The following WDR59 variants were observed in gnomAD, a reference collection of about 807,000 sequenced individuals.
WDR59 encodes GATOR2 complex protein WDR59.
Under a neutral mutation model 131.2 loss-of-function variants are expected in WDR59, and 100 were observed. The ratio of observed to expected loss-of-function variants is 0.76; its 90% CI spans 0.65 to 0.90. The LOEUF (loss-of-function observed/expected upper bound fraction) is 0.90, where lower values mean the gene tolerates loss of function less well. Ranked by LOEUF, WDR59 falls within the 40% of genes least tolerant of loss-of-function variation. The pLI is 0.00. For missense variants in WDR59, 1,203 were observed against 1,262.2 expected (o/e 0.95, Z 0.71); for synonymous variants, 601 against 466.2 (o/e 1.29, Z -3.72).
chr16:74,943,486 T>TA (rs1285410563), intron 6 of WDR59, among the ~76,000 whole-genome samples: 4 of 152,250 alleles, frequency 2.6e-5, no homozygotes, highest in African/African-American at 9.6e-5. Flanking sequence ...GTGTCATTGA[T>TA]ACATTAGTGA....
chr16:74,920,868 A>G (rs1210141109), intron 10 of WDR59, among the ~76,000 whole-genome samples: 1 of 152,138 alleles, frequency 6.6e-6, no homozygotes, highest in Non-Finnish European at 1.5e-5. Context: ...TGAAACCACA[A>G]AGGAAAAATC....
At chr16:74,904,349 C>T in intron 17 of WDR59, 2 of 428,106 alleles carry the variant, frequency 4.7e-6, no homozygotes, top group Non-Finnish European at 8.4e-6. Flanking sequence ...AATTTGAATA[C>T]AAGGTCAACC....
In WDR59 at chr16:74,886,439, G is replaced by A. The variant is rs377394549; in HGVS notation, c.2420-43C>T. The A allele has an allele frequency of 3.0e-5, 48 of 1,603,016 alleles. No individual in the cohort carries two copies. The South Asian group carries it at 4.8e-4, about 16-fold the overall frequency. ...GGAAGGGAAGATGGCAATCAGAGAA[G>A]GCATGGAAAATATCTGAAGAGTCTC... On this transcript the variant is annotated intron_variant, in intron 23 of 25. Coordinates refer to ENST00000262144, the MANE Select transcript of WDR59 (RefSeq NM_030581.4).
chr16:74,905,663 C>T (rs1965771591), intron 17 of WDR59, among the ~76,000 whole-genome samples: 1 of 150,860 alleles, frequency 6.6e-6, no homozygotes, highest in African/African-American at 2.4e-5. Context: ...GCCTGGGCAA[C>T]AGAGCGAGAT....
At chr16:74,898,924 G>C (rs1320130567) in intron 18 of WDR59, among the ~76,000 whole-genome samples, 1 of 152,154 alleles carries the variant, frequency 6.6e-6, no homozygotes, top group Non-Finnish European at 1.5e-5. Flanking sequence ...CTTGCTAATC[G>C]GGGCTTCTGA....
chr16:74,908,006 A>G (rs985347565), intron 17 of WDR59, among the ~76,000 whole-genome samples: 1 of 152,208 alleles, frequency 6.6e-6, no homozygotes, highest in Non-Finnish European at 1.5e-5. Context: ...GATTGCCTAT[A>G]AAGAAAAACT....
chr16:74,982,931 T>C (rs1230364929), intron 1 of WDR59, among the ~76,000 whole-genome samples: 1 of 152,218 alleles, frequency 6.6e-6, no homozygotes, highest in Non-Finnish European at 1.5e-5. Flanking sequence ...TCCCTCAGTA[T>C]GAATCACCTG....
rs199988394 is a variant in WDR59, at chr16:74,922,144, A to C, written c.730-41T>G. The C allele has an allele frequency of 3.7e-6, 6 of 1,608,324 alleles. 1 individual carries two copies. Among genetic ancestry groups the C allele is most frequent in the Non-Finnish European group, 5.1e-6 (6 of 1,176,646 alleles). On this transcript the variant is annotated intron_variant, in intron 9 of 25. Coordinates refer to ENST00000262144, the MANE Select transcript of WDR59 (RefSeq NM_030581.4). The stretch of plus-strand genomic sequence containing the variant: ...GAAAAGCAGGTGATTAGATTATTTC[A>C]GGGAGAATCAGCTGAGTCTTGAGTT...
At chr16:74,946,619 G>A (rs1358951437) in intron 6 of WDR59, among the ~76,000 whole-genome samples, 1 of 152,070 alleles carries the variant, frequency 6.6e-6, no homozygotes, top group Non-Finnish European at 1.5e-5. Flanking sequence ...CTACTCGGGA[G>A]GCGGAGGTGG....
chr16:74,977,533 A>C (rs1194643067), intron 1 of WDR59, among the ~76,000 whole-genome samples: 1 of 151,972 alleles, frequency 6.6e-6, no homozygotes, highest in Non-Finnish European at 1.5e-5. Flanking sequence ...CCAAAACTAC[A>C]AAAAAATAGC....
intron 10 of WDR59, among the ~76,000 whole-genome samples, chr16:74,918,550 A>G (rs1399488423): frequency 6.6e-6 from 1 of 152,262 alleles, no homozygotes; most frequent in Non-Finnish European, 1.5e-5. Flanking sequence ...ATCTCTTTGT[A>G]AAATGAATAA....
At chr16:74,890,835 G>A (rs1221609325) in intron 20 of WDR59, among the ~76,000 whole-genome samples, 5 of 152,082 alleles carry the variant, frequency 3.3e-5, no homozygotes, top group Admixed American at 6.5e-5. Flanking sequence ...AATCAAATAC[G>A]GCGGGCCCTG....
intron 17 of WDR59, among the ~76,000 whole-genome samples, chr16:74,905,889 A>G (rs1490135797): frequency 6.6e-6 from 1 of 152,082 alleles, no homozygotes; most frequent in Non-Finnish European, 1.5e-5. Context: ...CCAGAAACAA[A>G]TAAGATACAG....
At chr16:74,885,555 T>C in intron 25 of WDR59, 98 bp downstream of exon 25, 1 of 1,403,526 alleles carries the variant, frequency 7.1e-7, no homozygotes, top group Non-Finnish European at 9.4e-7. Flanking sequence ...TGCTTAGAAA[T>C]GAGAAGCTGA....
At chr16:74,921,101 C>G (rs1479561896) in intron 10 of WDR59, among the ~76,000 whole-genome samples, 1 of 151,822 alleles carries the variant, frequency 6.6e-6, no homozygotes, top group Admixed American at 6.6e-5. Flanking sequence ...TTTATTTAAA[C>G]TTTCATTTTA....
intron 17 of WDR59, among the ~76,000 whole-genome samples, chr16:74,906,936 G>A (rs979644783): frequency 1.3e-5 from 2 of 152,196 alleles, no homozygotes; most frequent in Non-Finnish European, 2.9e-5. Flanking sequence ...TCATATTTGT[G>A]TATCGTAAAC....
At chr16:74,972,560 A>G (rs1169007430) in intron 1 of WDR59, among the ~76,000 whole-genome samples, 1 of 152,098 alleles carries the variant, frequency 6.6e-6, no homozygotes, top group Non-Finnish European at 1.5e-5. Context: ...TAGGCCAGGC[A>G]CGGTGGCTCA....
At chr16:74,897,926 C>T (rs1046445862) in intron 18 of WDR59, among the ~76,000 whole-genome samples, 14 of 152,018 alleles carry the variant, frequency 9.2e-5, no homozygotes, top group Admixed American at 7.9e-4. Context: ...TCTAATTTAA[C>T]GAGGCTGTCT....
In WDR59 at chr16:74,904,762, C is replaced by A. The variant is rs907310142; in HGVS notation, c.1713-662G>T. 3.3e-5 allele frequency among the ~76,000 whole-genome samples: 5 copies of A among 152,064 alleles called. No individual in the cohort carries two copies. In the East Asian group the frequency reaches 9.6e-4, roughly 29 times the overall value. ...GGACTTGACCTATCAGATTTAAACA[C>A]TTAACTATAGAAAAGTACATTATGA... On this transcript the variant is annotated intron_variant, in intron 17 of 25. Coordinates refer to ENST00000262144, the MANE Select transcript of WDR59 (RefSeq NM_030581.4).
Sources: allele counts gnomAD v4.1 joint callset (sites outside exome capture counted in the v4.1 genomes callset), GRCh38; gene constraint gnomAD v4.1.1; transcripts MANE v1.5; gene names NCBI Gene and HGNC (gene_info 2026-07-23, HGNC 2026-07-21).